Variants in WWOX observed in about 807,000 individuals in gnomAD.
WWOX encodes WW domain containing oxidoreductase.
A neutral mutation model predicts 46.2 loss-of-function variants in WWOX; 69 were observed. The observed-to-expected ratio is 1.49, with a 90% CI of 1.23 to 1.82. The LOEUF (loss-of-function observed/expected upper bound fraction) is 1.82. WWOX is among the 40% of genes most tolerant of loss of function. WWOX has a pLI of 0.00. For synonymous variants in WWOX, 359 were observed against 202.6 expected, an observed-to-expected ratio of 1.77 and a Z score of -6.56; for missense variants, 919 against 542.6, an observed-to-expected ratio of 1.69 and a Z score of -6.89.
intron 5 of WWOX, among the ~76,000 whole-genome samples, chr16:78,381,852 C>G (rs769311091): frequency 6.6e-6 from 1 of 151,882 alleles, no homozygotes; most frequent in East Asian, 1.9e-4. Context: ...GTTTATTTTA[C>G]GGTGGTGGGA....
intron 8 of WWOX, among the ~76,000 whole-genome samples, chr16:78,803,361 G>A (rs1190007499): frequency 6.6e-6 from 1 of 152,022 alleles, no homozygotes; most frequent in Admixed American, 6.6e-5. Flanking sequence ...CTCAAGTGTA[G>A]TATTTATTTC....
At chr16:78,583,123 A>G (rs1046918608) in intron 8 of WWOX, among the ~76,000 whole-genome samples, 1 of 152,186 alleles carries the variant, frequency 6.6e-6, no homozygotes, top group Non-Finnish European at 1.5e-5. Context: ...TTTGTTTTCG[A>G]AGCCTTTGTC....
intron 8 of WWOX, among the ~76,000 whole-genome samples, chr16:78,928,826 GA>G (rs2045558862): frequency 1.3e-5 from 2 of 152,136 alleles, no homozygotes; most frequent in South Asian, 4.1e-4. Context: ...ATATGAACTT[GA>G]ACCCAAGCTT....
At chr16:78,941,250 G>T (rs760367128) in intron 8 of WWOX, among the ~76,000 whole-genome samples, 1 of 152,092 alleles carries the variant, frequency 6.6e-6, no homozygotes. Flanking sequence ...TTGGTTCTGC[G>T]GTCGCTTGGA....
chr16:78,756,819 C>T (rs900017816), intron 8 of WWOX: 2 of 617,686 alleles, frequency 3.2e-6, no homozygotes, highest in East Asian at 2.7e-5. Context: ...TTCTCGGACA[C>T]CTAATACTAC....
chr16:78,622,457 G>A (rs117551757), intron 8 of WWOX, among the ~76,000 whole-genome samples: 7,501 of 151,838 alleles, frequency 0.049, 280 homozygotes, highest in Non-Finnish European at 0.073. Flanking sequence ...CTTAAGAATC[G>A]CTTGAACCCA....
chr16:78,981,014 T>C (rs901434346), intron 8 of WWOX, among the ~76,000 whole-genome samples: 2 of 152,174 alleles, frequency 1.3e-5, no homozygotes, highest in African/African-American at 4.8e-5. Context: ...TAAGAAGCGC[T>C]GTGTTGCGTC....
chr16:78,935,605 G>A (rs974076062), intron 8 of WWOX, among the ~76,000 whole-genome samples: 3 of 144,338 alleles, frequency 2.1e-5, no homozygotes, highest in African/African-American at 5.1e-5. Context: ...GGGGCCTGTC[G>A]TGGGCTGGGG....
At chr16:78,766,952 T>G (rs1487417433) in intron 8 of WWOX, among the ~76,000 whole-genome samples, 2 of 152,220 alleles carry the variant, frequency 1.3e-5, no homozygotes, top group Admixed American at 1.3e-4. Context: ...TTCCCCAAGC[T>G]TGTGGTCTCT....
intron 6 of WWOX, among the ~76,000 whole-genome samples, chr16:78,400,816 C>T (rs1019584837): frequency 1.3e-5 from 2 of 152,182 alleles, no homozygotes; most frequent in Admixed American, 6.5e-5. Flanking sequence ...ATTCATATAT[C>T]AGAATAGCAC....
intron 5 of WWOX, among the ~76,000 whole-genome samples, chr16:78,365,363 G>T (rs1486544690): frequency 1.3e-5 from 2 of 152,090 alleles, no homozygotes; most frequent in East Asian, 1.9e-4. Context: ...CTGGATAGTG[G>T]GTTCTGTTTA....
intron 8 of WWOX, among the ~76,000 whole-genome samples, chr16:78,530,965 T>G (rs2043607342): frequency 6.6e-6 from 1 of 152,258 alleles, no homozygotes; most frequent in South Asian, 2.1e-4. Context: ...AGTTAGGCTC[T>G]GAGAATTGAT....
chr16:79,126,654 G>T (rs2049762738), intron 8 of WWOX, among the ~76,000 whole-genome samples: 1 of 152,178 alleles, frequency 6.6e-6, no homozygotes. Context: ...GTATTTCTGT[G>T]TAGCAGTGTA....
chr16:78,843,677 C>T (rs189977392), intron 8 of WWOX, among the ~76,000 whole-genome samples: 7 of 152,224 alleles, frequency 4.6e-5, no homozygotes, highest in South Asian at 2.1e-4. Context: ...ATTCCCTCTC[C>T]GTGGCTCAGC....
intron 8 of WWOX, chr16:78,551,787 T>G (rs1332841891): frequency 6.6e-6 from 1 of 152,138 alleles, no homozygotes; most frequent in Admixed American, 6.5e-5. Flanking sequence ...CTGCCGAGAC[T>G]CCAGGGACAT....
intron 8 of WWOX, among the ~76,000 whole-genome samples, chr16:79,047,493 C>T (rs2048087197): frequency 6.6e-6 from 1 of 151,688 alleles, no homozygotes; most frequent in South Asian, 2.1e-4. Context: ...GAAATGATGT[C>T]GTTAATGCAC....
chr16:79,044,085 C>T (rs1362208663), intron 8 of WWOX, among the ~76,000 whole-genome samples: 2 of 152,110 alleles, frequency 1.3e-5, no homozygotes, highest in African/African-American at 4.8e-5. Context: ...CACAGTGAGG[C>T]GCAGCTCCCA....
intron 4 of WWOX, among the ~76,000 whole-genome samples, chr16:78,160,439 T>C (rs79198030): frequency 0.012 from 1,796 of 152,344 alleles, 30 homozygotes; most frequent in African/African-American, 0.026. Flanking sequence ...TTTTAATATA[T>C]GTAGTTAAGG....
In WWOX at chr16:78,362,333, G is replaced by A. The variant is rs1387570993; in HGVS notation, c.517-24527G>A. On this transcript the variant is annotated intron_variant, in intron 5 of 8. Transcript: ENST00000566780. ...CAGGATAAAGAAAAAAACAGGACAG[G>A]CATTACAGGCTTAAGCCTGTAATCC... Among the ~76,000 whole-genome samples, 5 of 152,088 alleles carry A rather than the reference G, an allele frequency of 3.3e-5. No homozygotes were observed. In the South Asian group the frequency reaches 6.2e-4, roughly 19 times the overall value.
Sources: allele counts gnomAD v4.1 joint callset (sites outside exome capture counted in the v4.1 genomes callset), GRCh38; gene constraint gnomAD v4.1.1; transcripts MANE v1.5; gene names NCBI Gene and HGNC (gene_info 2026-07-23, HGNC 2026-07-21).